Variants in NRXN3 observed in about 807,000 individuals in gnomAD.
NRXN3 encodes neurexin 3.
NRXN3 carries 32 observed loss-of-function variants against 137.6 expected under a neutral mutation model. That is an observed-to-expected ratio of 0.23 (90% CI 0.18 to 0.31). The LOEUF is 0.31. Among genes scored for constraint, NRXN3 ranks in the 10% least tolerant of loss-of-function variants. NRXN3 has a pLI of 1.00. For synonymous variants in NRXN3, 798 were observed against 784.5 expected (o/e 1.02, Z -0.29); for missense variants, 1,574 against 2,062.5 (o/e 0.76, Z 4.59).
chr14:79,625,859 T>C (rs896119010), intron 16 of NRXN3, among the ~76,000 whole-genome samples: 15 of 152,192 alleles, frequency 9.9e-5, no homozygotes, highest in African/African-American at 3.4e-4. Context: ...TTTCCAGCTC[T>C]GTAGACTTGG....
intron 15 of NRXN3, among the ~76,000 whole-genome samples, chr14:79,463,316 CTGTT>C (rs1466475728): frequency 1.3e-5 from 2 of 152,130 alleles, no homozygotes; most frequent in Non-Finnish European, 2.9e-5. Flanking sequence ...GCATGGAAGA[CTGTT>C]TGATCCTTTT....
rs199832842 is a variant in NRXN3 at position 78,820,241 on chromosome 14, C to CATATAT, written c.2275+9907_2275+9912dup. ...ATTATATGTATAAAGTACATATATA[C>CATATAT]ATATATATATATATAAATTGCAGTT... On this transcript the variant is annotated intron_variant, in intron 10 of 20. Transcript: ENST00000335750. 4.8e-5 allele frequency among the ~76,000 whole-genome samples: 7 copies of CATATAT among 146,756 alleles called. No homozygotes were observed. In the East Asian group the frequency reaches 1.2e-3, roughly 25 times the overall value.
At chr14:79,629,532 T>C (rs894115334) in intron 16 of NRXN3, among the ~76,000 whole-genome samples, 1 of 152,150 alleles carries the variant, frequency 6.6e-6, no homozygotes, top group African/African-American at 2.4e-5. Context: ...TTTCAGGGTA[T>C]CTGTGAATCA....
At chr14:78,394,360 A>G (rs2153645649) in intron 4 of NRXN3, among the ~76,000 whole-genome samples, 1 of 151,980 alleles carries the variant, frequency 6.6e-6, no homozygotes, top group African/African-American at 2.4e-5. Flanking sequence ...TAGCTGAAGA[A>G]TGTGCTAGAT....
At chr14:79,435,825 G>A (rs1051449317) in intron 15 of NRXN3, among the ~76,000 whole-genome samples, 3 of 151,930 alleles carry the variant, frequency 2.0e-5, no homozygotes, top group African/African-American at 7.3e-5. Flanking sequence ...GTAGAGATGA[G>A]GTCTCCCTGT....
intron 16 of NRXN3, among the ~76,000 whole-genome samples, chr14:79,468,551 C>G (rs1309013925): frequency 2.6e-5 from 4 of 152,208 alleles, no homozygotes; most frequent in Non-Finnish European, 5.9e-5. Flanking sequence ...TTAGGAATCT[C>G]TGAATCAGAG....
intron 16 of NRXN3, among the ~76,000 whole-genome samples, chr14:79,612,389 T>G (rs1264029027): frequency 6.6e-6 from 1 of 152,112 alleles, no homozygotes; most frequent in Non-Finnish European, 1.5e-5. Flanking sequence ...CAGGGACATC[T>G]CCTTCCTCTG....
At chr14:79,519,189 CTCCCAAGTTT>C (rs1304991097) in intron 16 of NRXN3, among the ~76,000 whole-genome samples, 1 of 119,356 alleles carries the variant, frequency 8.4e-6, no homozygotes, top group African/African-American at 5.4e-5. Flanking sequence ...TATTCTCTAT[CTCCCAAGTTT>C]TCATATATAT....
intron 10 of NRXN3, among the ~76,000 whole-genome samples, chr14:78,861,827 C>T (rs2099073183): frequency 1.3e-5 from 2 of 152,164 alleles, no homozygotes. Flanking sequence ...CAAGTTCTCA[C>T]TCAGGCTTTC....
chr14:79,086,225 A>G (rs2048067820), intron 15 of NRXN3, among the ~76,000 whole-genome samples: 1 of 152,120 alleles, frequency 6.6e-6, no homozygotes, highest in South Asian at 2.1e-4. Flanking sequence ...CCCATCTCCT[A>G]TATTGCACAG....
At chr14:79,334,230 C>T (rs1439176784) in intron 15 of NRXN3, among the ~76,000 whole-genome samples, 3 of 151,746 alleles carry the variant, frequency 2.0e-5, no homozygotes, top group Non-Finnish European at 4.4e-5. Context: ...TTCAATGGTG[C>T]TATGAAAAAA....
At chr14:79,251,997 G>T (rs2075996948) in intron 15 of NRXN3, among the ~76,000 whole-genome samples, 1 of 151,706 alleles carries the variant, frequency 6.6e-6, no homozygotes, top group South Asian at 2.1e-4. Flanking sequence ...ATTTTTTGTA[G>T]AAATAAGGTC....
intron 8 of NRXN3, among the ~76,000 whole-genome samples, chr14:78,723,952 A>G (rs972592066): frequency 1.3e-5 from 2 of 152,202 alleles, no homozygotes; most frequent in Non-Finnish European, 2.9e-5. Flanking sequence ...TTGGAATTAA[A>G]ATGTGACTCT....
chr14:79,796,325 A>T (rs1603515812), intron 19 of NRXN3, among the ~76,000 whole-genome samples: 1 of 152,212 alleles, frequency 6.6e-6, no homozygotes, highest in Non-Finnish European at 1.5e-5. Flanking sequence ...ACCACGTAGC[A>T]TTACATTCCT....
intron 16 of NRXN3, among the ~76,000 whole-genome samples, chr14:79,624,944 C>T (rs1383026145): frequency 2.0e-5 from 3 of 152,002 alleles, no homozygotes; most frequent in Non-Finnish European, 4.4e-5. Context: ...GCTGAGACTA[C>T]AGGCATCCAC....
At chr14:79,719,402 G>GTATATATATGTGTGTATA (rs5741998) in intron 19 of NRXN3, among the ~76,000 whole-genome samples, 3,286 of 142,212 alleles carry the variant, frequency 0.023, 96 homozygotes, top group African/African-American at 0.068. Flanking sequence ...ATATATGTGT[G>GTATATATATGTGTGTATA]TATATATATA....
intron 16 of NRXN3, among the ~76,000 whole-genome samples, chr14:79,543,462 G>A (rs751243610): frequency 3.3e-5 from 5 of 152,182 alleles, no homozygotes; most frequent in Non-Finnish European, 7.3e-5. Flanking sequence ...AGAGATGGAT[G>A]TGTTAGCAGG....
chr14:78,996,954 T>C (rs2099531416), intron 15 of NRXN3, among the ~76,000 whole-genome samples: 1 of 152,162 alleles, frequency 6.6e-6, no homozygotes, highest in East Asian at 1.9e-4. Flanking sequence ...AACAGTTCTA[T>C]AGATGTGGGT....
At chr14:79,685,216 C>T (rs1032325195) in intron 17 of NRXN3, among the ~76,000 whole-genome samples, 2 of 152,182 alleles carry the variant, frequency 1.3e-5, no homozygotes, top group Admixed American at 1.3e-4. Flanking sequence ...AGATTTGCAA[C>T]ATGCTTTATA....
Sources: gnomAD v4.1 joint callset for allele counts (sites outside exome capture counted in the v4.1 genomes callset) on GRCh38, gnomAD v4.1.1 for gene constraint, MANE v1.5 for transcripts, NCBI Gene and HGNC (gene_info 2026-07-23, HGNC 2026-07-21) for gene names.